Variants in NAA60 observed in about 807,000 individuals in gnomAD.
NAA60 encodes the protein N-alpha-acetyltransferase 60, NatF catalytic subunit, also known as N-alpha-acetyltransferase 60.
NAA60 carries 8 observed loss-of-function variants against 26.1 expected under a neutral mutation model. That is an observed-to-expected ratio of 0.31 (90% CI 0.18 to 0.55). The LOEUF (loss-of-function observed/expected upper bound fraction) is 0.55, where lower values mean the gene tolerates loss of function less well. NAA60 is among the 20% of genes least tolerant of loss of function. NAA60 has a pLI of 0.93. For missense variants in NAA60, 290 were observed against 311.3 expected, an observed-to-expected ratio of 0.93 and a Z score of 0.51; for synonymous variants, 131 against 122.5, an observed-to-expected ratio of 1.07 and a Z score of -0.46.
intron 2 of NAA60, among the ~76,000 whole-genome samples, chr16:3,453,429 G>T (rs553025466): frequency 8.1e-4 from 121 of 149,106 alleles, no homozygotes; most frequent in African/African-American, 2.8e-3. Flanking sequence ...TTTTTTTTTT[G>T]AGACAGAGTT....
intron 5 of NAA60, 104 bp from the exon 6 acceptor site, chr16:3,483,259 G>T (rs574312987): frequency 2.4e-6 from 2 of 826,928 alleles, no homozygotes; most frequent in East Asian, 5.3e-5. Flanking sequence ...TGATACGGTG[G>T]GCCGAGACAT....
intron 2 of NAA60, among the ~76,000 whole-genome samples, chr16:3,473,407 G>A (rs1391284728): frequency 6.6e-6 from 1 of 152,110 alleles, no homozygotes; most frequent in South Asian, 2.1e-4. Flanking sequence ...CAAGCAAAAA[G>A]GGAAACCCCT....
At chr16:3,458,033 C>T (rs2035092752) in intron 2 of NAA60, 6 of 985,130 alleles carry the variant, frequency 6.1e-6, no homozygotes, top group Middle Eastern at 5.2e-4. Flanking sequence ...GGCGGAAGTG[C>T]CGCGGGCTGC....
At chr16:3,460,458 A>G (rs1472869971) in intron 2 of NAA60, among the ~76,000 whole-genome samples, 1 of 152,014 alleles carries the variant, frequency 6.6e-6, no homozygotes. Context: ...CCACCTCCCA[A>G]ACTCAAGTGA....
chr16:3,481,461 G>A (rs1417886462), intron 4 of NAA60, among the ~76,000 whole-genome samples: 3 of 151,610 alleles, frequency 2.0e-5, no homozygotes, highest in South Asian at 2.1e-4. Flanking sequence ...ATCCCCCTCC[G>A]GGTGGCTTTC....
chr16:3,458,256 C>T, intron 2 of NAA60: 3 of 918,954 alleles, frequency 3.3e-6, no homozygotes, highest in Non-Finnish European at 3.9e-6. Context: ...GGCGGGGAGG[C>T]CGCGCCGGGG....
chr16:3,472,020 G>T (rs1480130287), intron 2 of NAA60: 1 of 152,228 alleles, frequency 6.6e-6, no homozygotes, highest in Non-Finnish European at 1.5e-5. Context: ...AGCCCTTAGG[G>T]GAAAGGGGGT....
chr16:3,480,319 G>A (rs1287026709), intron 4 of NAA60, among the ~76,000 whole-genome samples: 3 of 152,198 alleles, frequency 2.0e-5, no homozygotes, highest in African/African-American at 2.4e-5. Context: ...AGAAGGGGCC[G>A]GGCGCAGTGG....
intron 2 of NAA60, among the ~76,000 whole-genome samples, chr16:3,452,492 TA>T (rs1435113893): frequency 1.4e-5 from 2 of 145,254 alleles, no homozygotes; most frequent in African/African-American, 5.1e-5. Context: ...CTATCTCTAC[TA>T]AAAATACAAA....
intron 2 of NAA60, chr16:3,458,095 C>T (rs1054405159): frequency 2.0e-6 from 2 of 985,310 alleles, no homozygotes; most frequent in Non-Finnish European, 2.4e-6. Context: ...GTTGCGGGCT[C>T]CGCGCGGTCC....
At chr16:3,483,050 GCC>G in intron 5 of NAA60, 1 of 502,630 alleles carries the variant, frequency 2.0e-6, no homozygotes, top group East Asian at 3.6e-5. Context: ...TTAAACCCAG[GCC>G]CATCTAGTCC....
At chr16:3,473,275 G>T (rs1405978181) in intron 2 of NAA60, among the ~76,000 whole-genome samples, 2 of 152,126 alleles carry the variant, frequency 1.3e-5, no homozygotes, top group African/African-American at 4.8e-5. Context: ...CAGAGACTGG[G>T]TAATTTATAA....
intron 2 of NAA60, among the ~76,000 whole-genome samples, chr16:3,450,905 A>G (rs1169573921): frequency 1.3e-5 from 2 of 152,190 alleles, no homozygotes; most frequent in Non-Finnish European, 2.9e-5. Flanking sequence ...GGACAACAAT[A>G]CTGAACTTTC....
At chr16:3,448,422 T>C (rs1225611311) in intron 1 of NAA60, 49 bp from the exon 2 acceptor site, 9 of 1,468,558 alleles carry the variant, frequency 6.1e-6, no homozygotes, top group Admixed American at 2.0e-5. Context: ...GTTGTAGAGA[T>C]GGGATGGCCA....
chr16:3,459,936 G>A (rs193229930), intron 2 of NAA60, among the ~76,000 whole-genome samples: 1 of 152,366 alleles, frequency 6.6e-6, no homozygotes, highest in South Asian at 2.1e-4. Flanking sequence ...GTTCCTGGAT[G>A]TGAGGAGATT....
chr16:3,476,294 A>G lies in NAA60; in HGVS notation c.67A>G (p.Ile23Val), dbSNP rs370207994. ...VSLRLLCHDD[I>V]DTVKHLCGDW... is the part of the protein sequence containing the mutation. ...CCTGCGCCTCCTCTGCCACGATGACATAGACACTGTGAAGCACCTGTGTGG... is the reference window on the plus strand; with the variant it reads ...CCTGCGCCTCCTCTGCCACGATGACGTAGACACTGTGAAGCACCTGTGTGG... The change falls in exon 3 of 8, where the codon ATA becomes GTA. Residue 23 changes from isoleucine (I) to valine (V), a missense_variant. Physicochemically the swap from Ile to Val is conservative, Grantham distance 29. Coordinates refer to ENST00000407558, the MANE Select transcript of NAA60 (RefSeq NM_001083601.3). 3.3e-5 allele frequency: 54 copies of G among 1,613,630 alleles called. No individual in the cohort carries two copies. Among genetic ancestry groups the G allele is most frequent in the Non-Finnish European group, 4.4e-5 (52 of 1,179,768 alleles).
intron 2 of NAA60, among the ~76,000 whole-genome samples, chr16:3,465,321 C>T (rs965565609): frequency 6.6e-6 from 1 of 151,916 alleles, no homozygotes; most frequent in Admixed American, 6.6e-5. Context: ...GCAAGAGAGG[C>T]AGCCACGGGG....
intron 2 of NAA60, among the ~76,000 whole-genome samples, chr16:3,470,852 C>T (rs75162463): frequency 0.061 from 9,360 of 152,260 alleles, 383 homozygotes; most frequent in Admixed American, 0.084. Context: ...ACAGGTGACC[C>T]GAGTCTCTGT....
Position 3,443,876 on chromosome 16 carries a change from C to T in NAA60, c.-77+39C>T. ...ACAGTGCCCTGTAGGCCTGAAATTT[C>T]GGTCTGGCCAGAGCAAGGTGATTGA... is the stretch of plus-strand genomic sequence containing the variant. On this transcript the variant is annotated intron_variant, in intron 1 of 7. Coordinates refer to ENST00000407558, the MANE Select transcript of NAA60 (RefSeq NM_001083601.3). 3.3e-6 allele frequency: 5 copies of T among 1,521,328 alleles called. No homozygotes were observed. The Middle Eastern group carries it at 8.5e-4, about 258-fold the overall frequency. 94.2% of individuals were successfully genotyped at this position (1,521,328 alleles called of 1,614,324 possible).
Sources: gnomAD v4.1 joint callset for allele counts (sites outside exome capture counted in the v4.1 genomes callset) on GRCh38, gnomAD v4.1.1 for gene constraint, MANE v1.5 for transcripts, NCBI Gene and HGNC (gene_info 2026-07-23, HGNC 2026-07-21) for gene names.